GRK1: variants seen among roughly 807,000 people sequenced by gnomAD.
GRK1 encodes rhodopsin kinase GRK1.
In GRK1, 28 loss-of-function variants were observed where a neutral mutation model predicts 41.7. That is an observed-to-expected ratio of 0.67 (90% CI 0.50 to 0.92). The LOEUF (loss-of-function observed/expected upper bound fraction) is 0.92. GRK1 is among the 40% of genes least tolerant of loss of function. The pLI is 0.00. For synonymous variants in GRK1, 327 were observed against 286.7 expected (o/e 1.14, Z -1.42); for missense variants, 703 against 671.2 (o/e 1.05, Z -0.52).
intron 4 of GRK1, among the ~76,000 whole-genome samples, chr13:113,730,546 C>T (rs1274407365): frequency 6.6e-6 from 1 of 150,636 alleles, no homozygotes; most frequent in Non-Finnish European, 1.5e-5. Flanking sequence ...CCGTGACAGC[C>T]TCTGCGGCTG....
intron 6 of GRK1, among the ~76,000 whole-genome samples, chr13:113,733,779 GTGTGTGCATGTGTGTATGTGTATC>G (rs2049967135): frequency 2.8e-5 from 3 of 108,534 alleles, no homozygotes; most frequent in Non-Finnish European, 3.7e-5. Context: ...GTGTGCATAC[GTGTGTGCATGTGTGTATGTGTATC>G]TGTGTGCATA....
the GRK1 span, among the ~76,000 whole-genome samples, chr13:113,652,004 C>T: frequency 6.6e-6 from 1 of 152,176 alleles, no homozygotes; most frequent in East Asian, 1.9e-4. Context: ...AGAGCTGGGG[C>T]GGGGTGGTCT....
At chr13:113,730,116 GC>G (rs1566697797) in intron 4 of GRK1, among the ~76,000 whole-genome samples, 2 of 37,322 alleles carry the variant, frequency 5.4e-5, no homozygotes. Flanking sequence ...CCATCCCGAC[GC>G]AGTCCCCCAG....
rs1215488578 is a variant in GRK1, at chr13:113,736,249, C to T, written c.*886C>T. ...CCAGGACCGTTTGCTCTCTGACCCT[C>T]CTCCCCACTGGGGCTGGTCCGTCTC... On this transcript the variant is annotated 3_prime_UTR_variant, in exon 7 of 7. Coordinates refer to ENST00000335678, the MANE Select transcript of GRK1 (RefSeq NM_002929.3). 6.6e-6 allele frequency: 1 copy of T among 152,314 alleles called. No homozygotes were observed. The highest frequency in any genetic ancestry group is 2.4e-5 in the African/African-American group (1 of 41,452). 9.4% of individuals were successfully genotyped at this position (152,314 alleles called of 1,614,324 possible). A position where few individuals can be genotyped will look rare whatever the true frequency, so the allele number is the denominator to read the frequency against.
Position 113,667,445 on chromosome 13 carries a change from G to A in GRK1, c.59G>A (p.Gly20Asp). ...VANSAFIAARGSFDGSSSQPS... is the reference protein window; with the variant it reads ...VANSAFIAARDSFDGSSSQPS... ...AACTCTGCCTTCATCGCCGCCCGAG[G>A]CAGCTTTGACGGCAGCAGCTCCCAA... The change falls in exon 1 of 7, where the codon GGC becomes GAC. Residue 20 changes from glycine (G) to aspartate (D), a missense_variant. Coordinates refer to ENST00000335678, the MANE Select transcript of GRK1 (RefSeq NM_002929.3). This position sits in a 1 kb window ranked among gnomAD's most constrained non-coding sequence, Gnocchi z 7.5. The A allele has an allele frequency of 6.2e-7, 1 of 1,607,150 alleles. No homozygotes were observed. The highest frequency in any genetic ancestry group is 1.1e-5 in the South Asian group (1 of 90,416).
upstream of GRK1, among the ~76,000 whole-genome samples, chr13:113,663,834 C>T (rs879790384): frequency 6.6e-6 from 1 of 152,220 alleles, no homozygotes; most frequent in Non-Finnish European, 1.5e-5. Context: ...ATCTGCTCAC[C>T]ATCGCTGGTG....
chr13:113,652,103 ACT>A, the GRK1 span, among the ~76,000 whole-genome samples: 3 of 150,852 alleles, frequency 2.0e-5, no homozygotes, highest in African/African-American at 7.3e-5. Context: ...CTTCCAGAAA[ACT>A]CTCTCTGGCC....
intron 1 of GRK1, among the ~76,000 whole-genome samples, chr13:113,668,346 T>C (rs932758002): frequency 2.6e-5 from 4 of 152,180 alleles, no homozygotes; most frequent in Non-Finnish European, 5.9e-5. Flanking sequence ...CTCGTCGGTT[T>C]TTCACCAACC....
the GRK1 span, among the ~76,000 whole-genome samples, chr13:113,659,025 C>T: frequency 1.3e-5 from 2 of 152,218 alleles, no homozygotes; most frequent in South Asian, 4.1e-4. Flanking sequence ...TCGGGGTCAC[C>T]GGGGGTCCGG....
chr13:113,730,827 G>T (rs1594578831), intron 4 of GRK1, among the ~76,000 whole-genome samples: 1 of 152,374 alleles, frequency 6.6e-6, no homozygotes, highest in Non-Finnish European at 1.5e-5. Context: ...GCCTTGGCAT[G>T]ATCTGACCAG....
intron 2 of GRK1, among the ~76,000 whole-genome samples, chr13:113,670,924 G>A (rs968414234): frequency 1.3e-5 from 2 of 151,836 alleles, no homozygotes; most frequent in African/African-American, 2.4e-5. Flanking sequence ...GGCTCTGGCC[G>A]CCTTGTGGTC....
At chr13:113,726,795 G>A (rs2049891648) in intron 4 of GRK1, among the ~76,000 whole-genome samples, 1 of 152,206 alleles carries the variant, frequency 6.6e-6, no homozygotes, top group Non-Finnish European at 1.5e-5. Flanking sequence ...GTTCCTCCCC[G>A]GAGTCTGGGC....
chr13:113,656,368 C>T, the GRK1 span, among the ~76,000 whole-genome samples: 6 of 152,148 alleles, frequency 3.9e-5, no homozygotes, highest in Non-Finnish European at 5.9e-5. Flanking sequence ...GTGGGCGGTG[C>T]GTGTCTCCCC....
rs149904858 is a variant in GRK1, at chr13:113,670,530, T to A, written c.827+716T>A. 2.1e-3 allele frequency among the ~76,000 whole-genome samples: 315 copies of A among 152,372 alleles called. 6 individuals carry two copies. The highest frequency in any genetic ancestry group is 0.018 in the Admixed American group (280 of 15,310). ...GCCATGGCTGTGGCTGGCAGCACCATGCCCCATTCTCACCTGCTTTTAATT... is the reference window on the plus strand; with the variant it reads ...GCCATGGCTGTGGCTGGCAGCACCAAGCCCCATTCTCACCTGCTTTTAATT... On this transcript the variant is annotated intron_variant, in intron 2 of 6. Transcript: ENST00000335678.
chr13:113,653,463 T>A, the GRK1 span: 3 of 1,587,528 alleles, frequency 1.9e-6, no homozygotes, highest in Non-Finnish European at 2.6e-6. Flanking sequence ...GTGCTTAGCG[T>A]CTCCAAATGC....
intron 6 of GRK1, among the ~76,000 whole-genome samples, chr13:113,733,528 CGCGTGTGTGCATGCGTGT>C (rs1298234884): frequency 9.1e-6 from 1 of 110,154 alleles, no homozygotes; most frequent in Non-Finnish European, 2.1e-5. Context: ...TGCATGTGTG[CGCGTGTGTGCATGCGTGT>C]GCGCGCACGT....
intron 4 of GRK1, among the ~76,000 whole-genome samples, chr13:113,725,930 T>TC (rs201702019): frequency 1.1e-4 from 1 of 8,792 alleles, no homozygotes; most frequent in Admixed American, 1.3e-3. Context: ...TGCGCGGTCC[T>TC]AGTTTGAGGT....
chr13:113,734,017 T>C (rs1277331321), intron 6 of GRK1, among the ~76,000 whole-genome samples: 1 of 142,928 alleles, frequency 7.0e-6, no homozygotes, highest in Non-Finnish European at 1.5e-5. Context: ...TGCGTGCATG[T>C]GTGTGCGTGC....
chr13:113,648,229 A>G, the GRK1 span, among the ~76,000 whole-genome samples: 1 of 152,264 alleles, frequency 6.6e-6, no homozygotes, highest in Non-Finnish European at 1.5e-5. Context: ...GATGCTTGGT[A>G]CAGCGTCTTC....
Sources: gnomAD v4.1 joint callset for allele counts (sites outside exome capture counted in the v4.1 genomes callset) on GRCh38, gnomAD v4.1.1 for gene constraint, Gnocchi (gnomAD v3.1) non-coding constraint, MANE v1.5 for transcripts, NCBI Gene and HGNC (gene_info 2026-07-23, HGNC 2026-07-21) for gene names.